Variants in M6PR observed in about 807,000 individuals in gnomAD.
M6PR encodes mannose-6-phosphate receptor, cation dependent.
Under a neutral mutation model 33.1 loss-of-function variants are expected in M6PR, and 19 were observed. The ratio of observed to expected loss-of-function variants is 0.57; its 90% CI spans 0.40 to 0.84. M6PR has a LOEUF of 0.84. Ranked by LOEUF, M6PR falls within the 40% of genes least tolerant of loss-of-function variation. The pLI, the probability that M6PR is intolerant of heterozygous loss-of-function variation, is 0.00. For missense variants in M6PR, 295 were observed against 336.0 expected (o/e 0.88, Z 0.95); for synonymous variants, 111 against 123.4 (o/e 0.90, Z 0.67).
At position 8,945,438 on chromosome 12, in the gene M6PR, T is replaced by C; in HGVS notation, c.323A>G (p.Glu108Gly). ...CTTACTTCCGTTGAAGATGTGAGTC[T>C]CGTTGAGTCTCCCTACCACTGTCTC... ...GKETVVGRLN[E>G]THIFNGSNWI... is the part of the protein sequence containing the mutation. Residue 108 changes from glutamate to glycine, a missense_variant, in exon 3 of 7, where the codon GAG becomes GGG. Coordinates refer to ENST00000000412, the MANE Select transcript of M6PR (RefSeq NM_002355.4). 1.2e-6 allele frequency: 2 copies of C among 1,614,148 alleles called. No homozygotes were observed. The highest frequency in any genetic ancestry group is 1.7e-6 in the Non-Finnish European group (2 of 1,180,000).
At chr12:8,947,240 C>T (rs939969796) in intron 1 of M6PR, among the ~76,000 whole-genome samples, 7 of 152,058 alleles carry the variant, frequency 4.6e-5, no homozygotes, top group South Asian at 2.1e-4. Flanking sequence ...CTTTTTCATG[C>T]GGGTCCACTT....
intron 6 of M6PR, 92 bp downstream of exon 6, chr12:8,942,324 C>A: frequency 6.4e-7 from 1 of 1,573,784 alleles, no homozygotes; most frequent in Non-Finnish European, 8.7e-7. Flanking sequence ...GTCCTGTGTC[C>A]CAGGAACCCC....
intron 4 of M6PR, 102 bp from the exon 5 acceptor site, chr12:8,943,637 A>G: frequency 6.7e-7 from 1 of 1,500,118 alleles, no homozygotes; most frequent in Non-Finnish European, 9.3e-7. Flanking sequence ...CTGGTTCAGC[A>G]GCCTATTTTC....
rs530866311 is a variant in M6PR at position 8,943,876 on chromosome 12, A to G, written c.378T>C (p.Asp126=). Residue 126 remains aspartate (D), a synonymous_variant, in exon 4 of 7, where the codon GAT becomes GAC. Transcript: ENST00000000412. ...CCTTGCCACAGTGGTTGTCATATTCATCACCCCCTTTATAGATCAGCATGA... is the reference window on the plus strand; with the variant it reads ...CCTTGCCACAGTGGTTGTCATATTCGTCACCCCCTTTATAGATCAGCATGA... ...NWIMLIYKGG[D]EYDNHCGKEQ... 6.2e-7 allele frequency: 1 copy of G among 1,613,828 alleles called. No homozygotes were observed. Among genetic ancestry groups the G allele is most frequent in the Non-Finnish European group, 8.5e-7 (1 of 1,179,954 alleles).
At position 8,947,174 on chromosome 12, in the gene M6PR, C is replaced by T. The variant is rs115829965; in HGVS notation, c.-1-769G>A. Among the ~76,000 whole-genome samples the T allele has an allele frequency of 2.5e-3, 374 of 152,234 alleles. 2 individuals are homozygous for T. The highest frequency in any genetic ancestry group is 8.6e-3 in the African/African-American group (357 of 41,540). On this transcript the variant is annotated intron_variant, in intron 1 of 6. Transcript: ENST00000000412. Reference sequence around the variant, plus strand: ...AACTCTTCTAAACTTTTCTCACTTACAAAAAACGCTGCAAGTCTGGACTTT... The same window carrying T: ...AACTCTTCTAAACTTTTCTCACTTATAAAAAACGCTGCAAGTCTGGACTTT...
At position 8,943,833 on chromosome 12, in the gene M6PR, C is replaced by T; in HGVS notation, c.421G>A (p.Val141Met). ...HCGKEQRRAV[V>M]MISCNRHTLA... ...GTGTGTCGATTGCAGGAGATCATCACCACTGCACGACGCTGCTCCTTGCCA... is the reference window on the plus strand; with the variant it reads ...GTGTGTCGATTGCAGGAGATCATCATCACTGCACGACGCTGCTCCTTGCCA... Residue 141 changes from valine (V) to methionine (M), a missense_variant, in exon 4 of 7, where the codon GTG (valine) becomes ATG (methionine). By Grantham distance (21) the Val-to-Met change is conservative (BLOSUM62 1). Coordinates refer to ENST00000000412, the MANE Select transcript of M6PR (RefSeq NM_002355.4). 3 of 1,613,176 alleles carry T rather than the reference C, an allele frequency of 1.9e-6. No homozygotes were observed. The highest frequency in any genetic ancestry group is 1.7e-6 in the Non-Finnish European group (2 of 1,180,008).
intron 4 of M6PR, 104 bp from the exon 5 acceptor site, chr12:8,943,639 C>T: frequency 6.7e-7 from 1 of 1,491,670 alleles, no homozygotes; most frequent in Admixed American, 1.7e-5. Flanking sequence ...GGTTCAGCAG[C>T]CTATTTTCCA....
chr12:8,942,810 A>G (rs917692845), intron 5 of M6PR, among the ~76,000 whole-genome samples: 15 of 152,192 alleles, frequency 9.9e-5, no homozygotes, highest in Admixed American at 5.2e-4. Context: ...ATATGATTCC[A>G]TTTCTCTAGA....
chr12:8,948,541 A>G (rs1805248), intron 1 of M6PR, among the ~76,000 whole-genome samples: 109,796 of 152,090 alleles, frequency 0.72, 40,764 homozygotes, highest in Non-Finnish European at 0.81. Context: ...GGAAGGGCCC[A>G]GTAGCCCCCT....
intron 1 of M6PR, among the ~76,000 whole-genome samples, chr12:8,947,412 C>A (rs1444420436): frequency 2.0e-5 from 3 of 152,146 alleles, no homozygotes; most frequent in Non-Finnish European, 4.4e-5. Context: ...TCCCACACCC[C>A]ACTAAAGCAA....
Position 8,949,114 on chromosome 12 carries a change from T to C in M6PR, c.-2+374A>G, listed in dbSNP as rs1410303732. On this transcript the variant is annotated intron_variant, in intron 1 of 6. Transcript: ENST00000000412. The surrounding 1 kb of genome is among the most constrained non-coding windows in gnomAD (Gnocchi z 5.6). ...CTCGCTCTGTCTAGTGTCCCGACTTTCCAAGCGCTTGTAGCCATACCCTCT... is the reference window on the plus strand; with the variant it reads ...CTCGCTCTGTCTAGTGTCCCGACTTCCCAAGCGCTTGTAGCCATACCCTCT... 6.6e-6 allele frequency among the ~76,000 whole-genome samples: 1 copy of C among 152,138 alleles called. No individual in the cohort carries two copies. The highest frequency in any genetic ancestry group is 2.4e-5 in the African/African-American group (1 of 41,416).
At chr12:8,942,672 A>T (rs1805730) in intron 5 of M6PR, 130 bp from the exon 6 acceptor site, 347,764 of 960,212 alleles carry the variant, frequency 0.36, 66,995 homozygotes, top group Admixed American at 0.43. Context: ...GAGTAGTGAT[A>T]CTAAATGAAA....
chr12:8,947,657 T>C (rs1197490645), intron 1 of M6PR, among the ~76,000 whole-genome samples: 1 of 152,172 alleles, frequency 6.6e-6, no homozygotes, highest in Non-Finnish European at 1.5e-5. Context: ...CCTCACAACC[T>C]TATGAGTAAA....
Position 8,943,916 on chromosome 12 carries a change from G to A in M6PR, c.344-6C>T, listed in dbSNP as rs1387827023. 6.3e-7 allele frequency: 1 copy of A among 1,591,214 alleles called. No individual in the cohort carries two copies. The highest frequency in any genetic ancestry group is 8.6e-7 in the Non-Finnish European group (1 of 1,159,460). ...GATCAGCATGATCCAATTACCTGAGGAGGGACAAGGAAAATGGAGCTATGG... is the reference window on the plus strand; with the variant it reads ...GATCAGCATGATCCAATTACCTGAGAAGGGACAAGGAAAATGGAGCTATGG... On this transcript the variant is annotated splice_region_variant and splice_polypyrimidine_tract_variant and intron_variant, in intron 3 of 6. Coordinates refer to ENST00000000412, the MANE Select transcript of M6PR (RefSeq NM_002355.4).
chr12:8,942,956 T>G (rs1465987174), intron 5 of M6PR, among the ~76,000 whole-genome samples: 1 of 148,898 alleles, frequency 6.7e-6, no homozygotes, highest in Non-Finnish European at 1.5e-5. Flanking sequence ...TCAGAATTTT[T>G]TTTTTTTTTT....
intron 2 of M6PR, 103 bp downstream of exon 2, chr12:8,946,126 G>T: frequency 8.6e-7 from 1 of 1,158,212 alleles, no homozygotes; most frequent in Non-Finnish European, 1.2e-6. Context: ...CTGAGAATTT[G>T]CTCTATGTCA....
At chr12:8,942,650 A>C in intron 5 of M6PR, 108 bp from the exon 6 acceptor site, 1 of 1,234,912 alleles carries the variant, frequency 8.1e-7, no homozygotes, top group Non-Finnish European at 1.1e-6. Context: ...ACATTCCCTG[A>C]AAAGGAAAAA....
intron 6 of M6PR, 136 bp downstream of exon 6, chr12:8,942,280 G>GT (rs1946025588): frequency 2.5e-6 from 3 of 1,208,076 alleles, no homozygotes; most frequent in Non-Finnish European, 3.5e-6. Context: ...CAACTGTCTT[G>GT]TTTGCTGGGA....
rs950122129 is a variant in M6PR, at chr12:8,949,118, A to G, written c.-2+370T>C. On this transcript the variant is annotated intron_variant, in intron 1 of 6. Coordinates refer to ENST00000000412, the MANE Select transcript of M6PR (RefSeq NM_002355.4). This position sits in a 1 kb window ranked among gnomAD's most constrained non-coding sequence, Gnocchi z 5.6. ...CTCTGTCTAGTGTCCCGACTTTCCA[A>G]GCGCTTGTAGCCATACCCTCTCCAA... is the stretch of plus-strand genomic sequence containing the variant. 2.0e-5 allele frequency among the ~76,000 whole-genome samples: 3 copies of G among 152,076 alleles called. No individual in the cohort carries two copies. The highest frequency in any genetic ancestry group is 7.2e-5 in the African/African-American group (3 of 41,404).
Sources: allele counts gnomAD v4.1 joint callset (sites outside exome capture counted in the v4.1 genomes callset), GRCh38; gene constraint gnomAD v4.1.1; non-coding constraint Gnocchi (gnomAD v3.1); transcripts MANE v1.5; gene names NCBI Gene and HGNC (gene_info 2026-07-23, HGNC 2026-07-21).